Variants in CELF2 observed in about 807,000 individuals in gnomAD.
CELF2 encodes CUGBP Elav-like family member 2, also known as CUG triplet repeat RNA-binding protein 2.
CELF2 carries 8 observed loss-of-function variants against 62.6 expected under a neutral mutation model. That is an observed-to-expected ratio of 0.13 (90% CI 0.07 to 0.23). The LOEUF is 0.23. CELF2 is among the 10% of genes least tolerant of loss of function. The pLI is 1.00. For synonymous variants in CELF2, 258 were observed against 250.0 expected (o/e 1.03, Z -0.30); for missense variants, 333 against 671.0 (o/e 0.50, Z 5.56).
chr10:10,566,624 T>G, the CELF2 span, among the ~76,000 whole-genome samples: 1 of 141,324 alleles, frequency 7.1e-6, no homozygotes, highest in African/African-American at 2.6e-5. Context: ...TGTGTCCAAG[T>G]GATCTCATTG....
chr10:11,155,180 T>C (rs1373107715), intron 1 of CELF2, among the ~76,000 whole-genome samples: 2 of 152,350 alleles, frequency 1.3e-5, no homozygotes, highest in East Asian at 3.9e-4. Flanking sequence ...AAGTTATATA[T>C]TTCCCGGCCT....
At chr10:10,537,013 TTGC>T in the CELF2 span, among the ~76,000 whole-genome samples, 348 of 152,100 alleles carry the variant, frequency 2.3e-3, no homozygotes, top group African/African-American at 7.4e-3. Context: ...CTGGATTCAC[TTGC>T]TGCTGCTGCT....
chr10:10,566,441 A>C, the CELF2 span, among the ~76,000 whole-genome samples: 1 of 146,772 alleles, frequency 6.8e-6, no homozygotes, highest in South Asian at 2.2e-4. Flanking sequence ...ATTATACTCT[A>C]AGTTTTAGGG....
intron 3 of CELF2, among the ~76,000 whole-genome samples, chr10:11,226,600 C>CCACA (rs59521803): frequency 8.1e-3 from 211 of 25,938 alleles, no homozygotes; most frequent in Middle Eastern, 0.017. Context: ...CAGGCAGTGG[C>CCACA]CACACACACA....
the CELF2 span, among the ~76,000 whole-genome samples, chr10:10,512,401 CTTT>C: frequency 3.7e-5 from 4 of 109,148 alleles, no homozygotes; most frequent in Non-Finnish European, 7.4e-5. Flanking sequence ...TTTTGGAACG[CTTT>C]TTTTTTTTTT....
the CELF2 span, among the ~76,000 whole-genome samples, chr10:10,708,032 A>G: frequency 6.6e-6 from 1 of 152,220 alleles, no homozygotes; most frequent in African/African-American, 2.4e-5. Flanking sequence ...TTCACCAATT[A>G]TTGGCAGTTA....
rs1403235944 is a variant in CELF2 at position 11,165,440 on chromosome 10, C to T, written c.75-46C>T. On this transcript the variant is annotated intron_variant, in intron 1 of 12. Transcript: ENST00000633077. This position sits in a 1 kb window ranked among gnomAD's most constrained non-coding sequence, Gnocchi z 7.4. ...CCCCCACTATTTTTTCTTCCTGTCC[C>T]TCATCGTGCCGCCCTAACTCTGGCT... The T allele has an allele frequency of 2.5e-5, 40 of 1,589,486 alleles. No homozygotes were observed. Among genetic ancestry groups the T allele is most frequent in the Non-Finnish European group, 3.3e-5 (39 of 1,166,658 alleles).
chr10:11,126,832 A>G (rs1409987312), intron 1 of CELF2, among the ~76,000 whole-genome samples: 1 of 151,558 alleles, frequency 6.6e-6, no homozygotes, highest in Non-Finnish European at 1.5e-5. Flanking sequence ...CTGGGGATAT[A>G]GTTGCTCTTC....
rs2095611122 is a variant in CELF2, at chr10:11,324,287, T to C, written c.1295-1549T>C. On this transcript the variant is annotated intron_variant, in intron 11 of 12. Transcript: ENST00000633077. The surrounding 1 kb of genome is among the most constrained non-coding windows in gnomAD (Gnocchi z 4.7). The stretch of plus-strand genomic sequence containing the variant: ...ACTCTCATTTGTGCATTTGGATCTT[T>C]TGTGCAGTAGCAACATGAAAGCTGG... Among the ~76,000 whole-genome samples the C allele has an allele frequency of 6.6e-6, 1 of 152,230 alleles. No homozygotes were observed. Among genetic ancestry groups the C allele is most frequent in the Non-Finnish European group, 1.5e-5 (1 of 68,032 alleles).
At chr10:11,308,528 G>A (rs1296634199) in intron 9 of CELF2, among the ~76,000 whole-genome samples, 3 of 152,138 alleles carry the variant, frequency 2.0e-5, no homozygotes, top group Admixed American at 6.6e-5. Flanking sequence ...CAAACCAACT[G>A]TGGAGCCCTA....
At chr10:11,158,122 G>A (rs530343385) in intron 1 of CELF2, among the ~76,000 whole-genome samples, 16 of 152,094 alleles carry the variant, frequency 1.1e-4, no homozygotes, top group Non-Finnish European at 2.1e-4. Context: ...GTTAACTGAC[G>A]GTGAAACCAG....
At chr10:10,876,823 C>T (rs1350337583) in intron 1 of CELF2, among the ~76,000 whole-genome samples, 2 of 152,206 alleles carry the variant, frequency 1.3e-5, no homozygotes, top group African/African-American at 4.8e-5. Flanking sequence ...AATTAAGAGA[C>T]ACTTGTTTAA....
At chr10:10,550,384 G>T in the CELF2 span, among the ~76,000 whole-genome samples, 2 of 152,158 alleles carry the variant, frequency 1.3e-5, no homozygotes, top group Admixed American at 1.3e-4. Flanking sequence ...CTGTGTATAA[G>T]TGGACCCACA....
intron 2 of CELF2, among the ~76,000 whole-genome samples, chr10:10,940,850 T>C (rs1242081091): frequency 1.3e-5 from 2 of 152,202 alleles, no homozygotes; most frequent in Non-Finnish European, 2.9e-5. Flanking sequence ...TTTGGCTTAT[T>C]TGATGGTTTT....
chr10:10,919,959 T>A, intron 1 of CELF2: 1 of 1,231,482 alleles, frequency 8.1e-7, no homozygotes, highest in Non-Finnish European at 1.0e-6. Context: ...TTCTCCTTCC[T>A]GCAGAGAGAC....
chr10:10,557,074 T>C, the CELF2 span, among the ~76,000 whole-genome samples: 4 of 148,736 alleles, frequency 2.7e-5, no homozygotes, highest in Non-Finnish European at 5.9e-5. Context: ...TTTGTTGCCA[T>C]TGCTTTTGGT....
chr10:11,202,927 CTCTCTCTCTCTCTCTCTCTCTCTCTG>C (rs1369844932), intron 2 of CELF2, among the ~76,000 whole-genome samples: 2 of 88,506 alleles, frequency 2.3e-5, no homozygotes, highest in Admixed American at 1.1e-4. Context: ...CTCTCTCTCT[CTCTCTCTCTCTCTCTCTCTCTCTCTG>C]TGTGTGTGTG....
intron 2 of CELF2, among the ~76,000 whole-genome samples, chr10:10,976,048 T>G (rs577901916): frequency 6.6e-6 from 1 of 152,226 alleles, no homozygotes; most frequent in Non-Finnish European, 1.5e-5. Flanking sequence ...AACTTCTGGG[T>G]CTTTGCCTTG....
At chr10:11,096,219 G>A (rs1014547079) in intron 1 of CELF2, 1 of 152,250 alleles carries the variant, frequency 6.6e-6, no homozygotes, top group African/African-American at 2.4e-5. Flanking sequence ...CTCTTGAGAA[G>A]TGCTATGTTA....
Sources: gnomAD v4.1 joint callset for allele counts (sites outside exome capture counted in the v4.1 genomes callset) on GRCh38, gnomAD v4.1.1 for gene constraint, Gnocchi (gnomAD v3.1) non-coding constraint, MANE v1.5 for transcripts, NCBI Gene and HGNC (gene_info 2026-07-23, HGNC 2026-07-21) for gene names.